FGF12: variants seen among roughly 807,000 people sequenced by gnomAD.
FGF12 encodes the protein fibroblast growth factor 12B.
In FGF12, 14 loss-of-function variants were observed where a neutral mutation model predicts 23.6. The ratio of observed to expected loss-of-function variants is 0.59; its 90% confidence interval spans 0.39 to 0.93. The LOEUF (loss-of-function observed/expected upper bound fraction) is 0.93, where lower values mean the gene tolerates loss of function less well. Ranked by LOEUF, FGF12 falls within the 40% of genes least tolerant of loss-of-function variation. The pLI is 0.00. For synonymous variants in FGF12, 62 were observed against 77.3 expected (o/e 0.80, Z 1.04); for missense variants, 175 against 217.8 (o/e 0.80, Z 1.24).
At chr3:192,198,874 A>G (rs1374323123) in intron 4 of FGF12, among the ~76,000 whole-genome samples, 1 of 152,236 alleles carries the variant, frequency 6.6e-6, no homozygotes, top group African/African-American at 2.4e-5. Context: ...CACAGCTCTT[A>G]GTGGCTTTTA....
At position 192,270,807 on chromosome 3, in the gene FGF12, G is replaced by A. The variant is rs112816679; in HGVS notation, c.228+64554C>T. On this transcript the variant is annotated intron_variant, in intron 4 of 5. Transcript: ENST00000445105. ...AAGTGGGAAGGAAGGAAGGAAGGAA[G>A]GAAGGAAGGAAAGAAGGAAGGAAGG... Among the ~76,000 whole-genome samples, 3 of 90,264 alleles carry A rather than the reference G, an allele frequency of 3.3e-5. No homozygotes were observed. In the South Asian group the frequency reaches 1.6e-3, roughly 49 times the overall value. 59.2% of individuals were successfully genotyped at this position (90,264 alleles called of 152,430 possible). A position where few individuals can be genotyped will look rare whatever the true frequency, so the allele number is the denominator to read the frequency against.
chr3:192,440,141 A>G (rs75196156), intron 2 of FGF12, among the ~76,000 whole-genome samples: 3,216 of 152,142 alleles, frequency 0.021, 108 homozygotes, highest in African/African-American at 0.072. Flanking sequence ...GAAAGAGTGT[A>G]AAGGATAAGA....
At chr3:192,314,476 AGAAAG>A (rs1716126138) in intron 4 of FGF12, among the ~76,000 whole-genome samples, 1 of 152,164 alleles carries the variant, frequency 6.6e-6, no homozygotes, top group Non-Finnish European at 1.5e-5. Flanking sequence ...TCTACTGCCT[AGAAAG>A]CTCCCATGTT....
intron 2 of FGF12, among the ~76,000 whole-genome samples, chr3:192,402,601 C>T (rs1720809300): frequency 1.3e-5 from 2 of 152,186 alleles, no homozygotes; most frequent in African/African-American, 4.8e-5. Context: ...CCATGTGACA[C>T]TTACTCATCT....
chr3:192,205,032 A>C (rs1175526803), intron 4 of FGF12, among the ~76,000 whole-genome samples: 1 of 152,148 alleles, frequency 6.6e-6, no homozygotes, highest in Non-Finnish European at 1.5e-5. Context: ...TACTCTCCTA[A>C]GTTTGGACTG....
intron 4 of FGF12, among the ~76,000 whole-genome samples, chr3:192,246,784 C>A (rs1711606349): frequency 7.0e-6 from 1 of 142,942 alleles, no homozygotes; most frequent in Non-Finnish European, 1.5e-5. Flanking sequence ...AAGATTGTGC[C>A]ACTGTACTCC....
At chr3:192,382,081 C>A (rs1719841216) in intron 2 of FGF12, among the ~76,000 whole-genome samples, 1 of 152,048 alleles carries the variant, frequency 6.6e-6, no homozygotes, top group Non-Finnish European at 1.5e-5. Context: ...ACTGCAACCT[C>A]CACCTTCCGG....
chr3:192,403,609 A>G (rs1720848724), intron 2 of FGF12, among the ~76,000 whole-genome samples: 1 of 151,826 alleles, frequency 6.6e-6, no homozygotes, highest in Admixed American at 6.6e-5. Context: ...TTTGTAGTTC[A>G]GATATGAGTC....
At chr3:192,602,153 T>C (rs1714139974) in intron 2 of FGF12, among the ~76,000 whole-genome samples, 1 of 152,150 alleles carries the variant, frequency 6.6e-6, no homozygotes, top group Non-Finnish European at 1.5e-5. Flanking sequence ...CTAACAAATG[T>C]CTTATTCTGG....
chr3:192,439,726 C>T (rs1270522653), intron 2 of FGF12, among the ~76,000 whole-genome samples: 2 of 152,122 alleles, frequency 1.3e-5, no homozygotes, highest in African/African-American at 2.4e-5. Context: ...CCTGTAATCC[C>T]AGCACTTTGG....
Position 192,336,136 on chromosome 3 carries a change from CAT to C in FGF12, c.125-674_125-673del, listed in dbSNP as rs149411790. Among the ~76,000 whole-genome samples the C allele has an allele frequency of 1.0e-4, 15 of 143,538 alleles. No individual in the cohort carries two copies. Among genetic ancestry groups the C allele is most frequent in the South Asian group, 2.2e-4 (1 of 4,524 alleles). 94.2% of individuals were successfully genotyped at this position (143,538 alleles called of 152,430 possible). ...ACACACACACACACACACACACACA[CAT>C]ATACACACATATATACATACTATAT... On this transcript the variant is annotated intron_variant, in intron 3 of 5. Transcript: ENST00000445105. This position sits in a 1 kb window ranked among gnomAD's most constrained non-coding sequence, Gnocchi z 4.3.
chr3:192,650,748 C>T (rs1245584084), intron 2 of FGF12, among the ~76,000 whole-genome samples: 1 of 152,122 alleles, frequency 6.6e-6, no homozygotes, highest in African/African-American at 2.4e-5. Context: ...AACAGCATCT[C>T]TTCAAGAGTA....
chr3:192,211,553 G>C lies in FGF12; in HGVS notation c.229-40897C>G, dbSNP rs144586352. ...CAGTTCTCCTGCCTCAGCCTACCGT[G>C]TAGCTGGGATTACAGGTGCCCCCCA... is the stretch of plus-strand genomic sequence containing the variant. On this transcript the variant is annotated intron_variant, in intron 4 of 5. Transcript: ENST00000445105. Among the ~76,000 whole-genome samples, 1,500 of 152,152 alleles carry C rather than the reference G, an allele frequency of 9.9e-3. 26 individuals carry two copies. Among genetic ancestry groups the C allele is most frequent in the African/African-American group, 0.034 (1,422 of 41,488 alleles).
chr3:192,496,623 C>G (rs1723965663), intron 2 of FGF12, among the ~76,000 whole-genome samples: 1 of 152,120 alleles, frequency 6.6e-6, no homozygotes, highest in African/African-American at 2.4e-5. Context: ...TACTCACTGT[C>G]CCCACTACCT....
At chr3:192,285,872 T>A (rs1714418842) in intron 4 of FGF12, among the ~76,000 whole-genome samples, 1 of 152,066 alleles carries the variant, frequency 6.6e-6, no homozygotes, top group Admixed American at 6.6e-5. Flanking sequence ...AGTGTGCTCC[T>A]TAACTATGAC....
chr3:192,349,038 G>A (rs1346747853), intron 3 of FGF12, among the ~76,000 whole-genome samples: 1 of 152,058 alleles, frequency 6.6e-6, no homozygotes, highest in Admixed American at 6.5e-5. Context: ...TTCCAAATAT[G>A]TAGTTCTTCT....
At chr3:192,536,156 A>G (rs895615588) in intron 2 of FGF12, among the ~76,000 whole-genome samples, 1 of 152,202 alleles carries the variant, frequency 6.6e-6, no homozygotes, top group Non-Finnish European at 1.5e-5. Context: ...CCTGTTTTTG[A>G]AAATAAAGTT....
chr3:192,160,948 A>G (rs940815981), intron 5 of FGF12, among the ~76,000 whole-genome samples: 1 of 152,146 alleles, frequency 6.6e-6, no homozygotes, highest in Non-Finnish European at 1.5e-5. Flanking sequence ...TACGGTAGAC[A>G]ATATTTATCA....
intron 2 of FGF12, among the ~76,000 whole-genome samples, chr3:192,374,098 C>T (rs924634935): frequency 6.6e-6 from 1 of 152,206 alleles, no homozygotes; most frequent in African/African-American, 2.4e-5. Context: ...TTTGGGAGAA[C>T]AATTAACATT....
Sources: allele counts gnomAD v4.1 joint callset (sites outside exome capture counted in the v4.1 genomes callset), GRCh38; gene constraint gnomAD v4.1.1; non-coding constraint Gnocchi (gnomAD v3.1); transcripts MANE v1.5; gene names NCBI Gene and HGNC (gene_info 2026-07-23, HGNC 2026-07-21).